The following IFT27 variants were observed in gnomAD, a reference collection of about 807,000 sequenced individuals.
The protein encoded by IFT27 is intraflagellar transport protein 27 homolog.
A neutral mutation model predicts 23.9 loss-of-function variants in IFT27; 19 were observed. The observed-to-expected ratio is 0.79, with a 90% CI of 0.55 to 1.16. The LOEUF is 1.16. Among genes scored for constraint, IFT27 ranks in the 50% most tolerant of loss-of-function variants. IFT27 has a pLI of 0.00. For missense variants in IFT27, 206 were observed against 228.7 expected (o/e 0.90, Z 0.64); for synonymous variants, 91 against 89.1 (o/e 1.02, Z -0.12).
At chr22:36,774,482 G>A (rs1279808522) in intron 1 of IFT27, among the ~76,000 whole-genome samples, 3 of 152,160 alleles carry the variant, frequency 2.0e-5, no homozygotes, top group Non-Finnish European at 4.4e-5. Context: ...GACCTTGGCT[G>A]ACATCTCTCA....
intron 1 of IFT27, among the ~76,000 whole-genome samples, chr22:36,769,235 TATC>T (rs1938339066): frequency 6.6e-6 from 1 of 152,130 alleles, no homozygotes. Flanking sequence ...CCCGCCAAGG[TATC>T]ATTCACCTTA....
At chr22:36,766,009 C>T in intron 4 of IFT27, 129 bp downstream of exon 4, 1 of 794,062 alleles carries the variant, frequency 1.3e-6, no homozygotes, top group Non-Finnish European at 2.2e-6. Flanking sequence ...GAGGAATGCC[C>T]CTTAAAGAGT....
chr22:36,763,032 C>G lies in IFT27; in HGVS notation c.353-19G>C. On this transcript the variant is annotated intron_variant, in intron 5 of 6. Coordinates refer to ENST00000433985, the MANE Select transcript of IFT27 (RefSeq NM_001177701.3). ...AAAACACCTACTCAGAAGAAACAAC[C>G]AAAATATGGCACTTCACTGTCACAC... 6.5e-7 allele frequency: 1 copy of G among 1,543,178 alleles called. No homozygotes were observed. The highest frequency in any genetic ancestry group is 8.9e-7 in the Non-Finnish European group (1 of 1,126,244).
At chr22:36,771,969 C>T (rs1938395552) in intron 1 of IFT27, among the ~76,000 whole-genome samples, 1 of 152,166 alleles carries the variant, frequency 6.6e-6, no homozygotes, top group East Asian at 1.9e-4. Context: ...CCTAGTAATC[C>T]CTTACCCCAA....
intron 1 of IFT27, among the ~76,000 whole-genome samples, chr22:36,773,867 C>T (rs915919489): frequency 6.6e-6 from 1 of 152,146 alleles, no homozygotes; most frequent in African/African-American, 2.4e-5. Context: ...GCCAATCCCA[C>T]AGGGTTGCTA....
At position 36,775,723 on chromosome 22, in the gene IFT27, C is replaced by G. The variant is rs1464813472; in HGVS notation, c.-16G>C. 2.5e-6 allele frequency: 4 copies of G among 1,613,868 alleles called. No individual in the cohort carries two copies. The East Asian group carries it at 6.7e-5, about 27-fold the overall frequency. On this transcript the variant is annotated 5_prime_UTR_variant, in exon 1 of 7. Transcript: ENST00000433985. ...GCTTCACCATGGTAACCAACACTCC[C>G]GCGAGCCGTACCCAGAGGACAAGAG...
chr22:36,766,866 TTGTC>T (rs1938263048), intron 3 of IFT27, among the ~76,000 whole-genome samples: 1 of 152,010 alleles, frequency 6.6e-6, no homozygotes, highest in Non-Finnish European at 1.5e-5. Context: ...ATCAGCACCA[TTGTC>T]TGTTTTGCAT....
Position 36,763,897 on chromosome 22 carries a change from CATGG to C in IFT27, c.352+18_352+21del. 6.6e-7 allele frequency: 1 copy of C among 1,512,776 alleles called. No homozygotes were observed. Among genetic ancestry groups the C allele is most frequent in the East Asian group, 2.3e-5 (1 of 44,410 alleles). 93.7% of individuals were successfully genotyped at this position (1,512,776 alleles called of 1,614,324 possible). On this transcript the variant is annotated intron_variant, in intron 5 of 6. Coordinates refer to ENST00000433985, the MANE Select transcript of IFT27 (RefSeq NM_001177701.3). ...AAAGGACAGAGATGCCGCTGGGAAACATGGGTGTCTGCAGCCCGTACCTGGGAGA... is the reference window on the plus strand; with the variant it reads ...AAAGGACAGAGATGCCGCTGGGAAACGTGTCTGCAGCCCGTACCTGGGAGA...
At position 36,767,879 on chromosome 22, in the gene IFT27, G is replaced by C. The variant is rs1938295180; in HGVS notation, c.35-17C>G. 6.2e-7 allele frequency: 1 copy of C among 1,607,278 alleles called. No homozygotes were observed. Among genetic ancestry groups the C allele is most frequent in the South Asian group, 1.1e-5 (1 of 90,856 alleles). Reference sequence around the variant, plus strand: ...CTGGGTCTCCTGTGAGATCAGAAAAGAAGAAAAAGAACGCCTTAGTTCTCA... The same window carrying C: ...CTGGGTCTCCTGTGAGATCAGAAAACAAGAAAAAGAACGCCTTAGTTCTCA... On this transcript the variant is annotated splice_polypyrimidine_tract_variant and intron_variant, in intron 1 of 6. Coordinates refer to ENST00000433985, the MANE Select transcript of IFT27 (RefSeq NM_001177701.3).
intron 1 of IFT27, 143 bp downstream of exon 1, chr22:36,775,531 A>T: frequency 1.2e-6 from 1 of 833,396 alleles, no homozygotes; most frequent in Non-Finnish European, 2.0e-6. Flanking sequence ...AACGTAATTT[A>T]CTGTATCAGT....
Position 36,772,749 on chromosome 22 carries a change from A to C in IFT27, c.34+2925T>G, listed in dbSNP as rs370245686. The C allele has an allele frequency of 1.3e-4, 131 of 985,356 alleles. 1 individual carries two copies. The East Asian group carries it at 5.1e-3, about 38-fold the overall frequency. 61.0% of individuals were successfully genotyped at this position (985,356 alleles called of 1,614,324 possible). A position where few individuals can be genotyped will look rare whatever the true frequency, so the allele number is the denominator to read the frequency against. Reference sequence around the variant, plus strand: ...GTTCAATGCATAAACACTTGAACTGAACGTCAGGTCCTTCAATGACCAGTT... The same window carrying C: ...GTTCAATGCATAAACACTTGAACTGCACGTCAGGTCCTTCAATGACCAGTT... On this transcript the variant is annotated intron_variant, in intron 1 of 6. Coordinates refer to ENST00000433985, the MANE Select transcript of IFT27 (RefSeq NM_001177701.3).
intron 5 of IFT27, 139 bp downstream of exon 5, chr22:36,763,780 G>A: frequency 1.4e-6 from 1 of 727,874 alleles, no homozygotes; most frequent in African/African-American, 1.7e-5. Flanking sequence ...CTAAGTGGCA[G>A]GGCCAGTGTA....
rs1297773271 is a variant in IFT27 at position 36,775,885 on chromosome 22, C to T, written c.-178G>A. The T allele has an allele frequency of 1.2e-4, 2 of 16,006 alleles. No individual in the cohort carries two copies. Among genetic ancestry groups the T allele is most frequent in the African/African-American group, 5.1e-4 (1 of 1,976 alleles). The allele number at this position is 16,006 out of a possible 1,614,324, so 1.0% of individuals were successfully genotyped here. On this transcript the variant is annotated 5_prime_UTR_variant, in exon 1 of 7. Coordinates refer to ENST00000433985, the MANE Select transcript of IFT27 (RefSeq NM_001177701.3). ...ATGACCGAGCCCGGCCCTTCTGGGC[C>T]GGGGGCGGATATCGGGCGCTGGGGG...
At chr22:36,769,192 T>C (rs1035211671) in intron 1 of IFT27, among the ~76,000 whole-genome samples, 1 of 152,230 alleles carries the variant, frequency 6.6e-6, no homozygotes, top group Non-Finnish European at 1.5e-5. Context: ...GCCCCCCTCA[T>C]GGACCTGTTC....
intron 1 of IFT27, among the ~76,000 whole-genome samples, chr22:36,771,837 A>G (rs555701217): frequency 1.3e-5 from 2 of 152,336 alleles, no homozygotes; most frequent in East Asian, 3.9e-4. Flanking sequence ...GGTGGCATCA[A>G]CAGGTGGACC....
Position 36,762,987 on chromosome 22 carries a change from G to C in IFT27, c.379C>G (p.Leu127Val), listed in dbSNP as rs1248102880. 4 of 1,604,816 alleles carry C rather than the reference G, an allele frequency of 2.5e-6. No individual in the cohort carries two copies. In the South Asian group the frequency reaches 4.5e-5, roughly 18 times the overall value. ...GAGTCCACTGCTCGTCTGCCGGCCA[G>C]GTCTGTCTTGTTCCCAACTAAAACA... is the stretch of plus-strand genomic sequence containing the variant. The part of the protein sequence containing the change: ...PGVLVGNKTD[L>V]AGRRAVDSAE... The change falls in exon 6 of 7, where the codon CTG becomes GTG. Residue 127 changes from leucine to valine, a missense_variant. Coordinates refer to ENST00000433985, the MANE Select transcript of IFT27 (RefSeq NM_001177701.3).
intron 6 of IFT27, 180 bp from the exon 7 acceptor site, chr22:36,758,589 A>G (rs1286577829): frequency 1.7e-6 from 1 of 600,460 alleles, no homozygotes; most frequent in East Asian, 2.8e-5. Context: ...AGATGGAGTC[A>G]GGTAACTCAG....
intron 2 of IFT27, 96 bp from the exon 3 acceptor site, chr22:36,767,461 T>G: frequency 9.2e-7 from 1 of 1,092,638 alleles, no homozygotes; most frequent in Non-Finnish European, 1.4e-6. Flanking sequence ...AGGAGGGCTA[T>G]CTCCAGTGGA....
chr22:36,764,590 C>T (rs2145917313), intron 4 of IFT27, among the ~76,000 whole-genome samples: 1 of 152,342 alleles, frequency 6.6e-6, no homozygotes, highest in East Asian at 1.9e-4. Context: ...TCTTCATTAG[C>T]CAGCCTGGGA....
Sources: gnomAD v4.1 joint callset for allele counts (sites outside exome capture counted in the v4.1 genomes callset) on GRCh38, gnomAD v4.1.1 for gene constraint, MANE v1.5 for transcripts, NCBI Gene and HGNC (gene_info 2026-07-23, HGNC 2026-07-21) for gene names.